Variants in POLA1 observed in about 807,000 individuals in gnomAD.
The protein encoded by POLA1 is DNA polymerase alpha 1, catalytic subunit, also known as DNA polymerase alpha catalytic subunit.
A neutral mutation model predicts 124.0 loss-of-function variants in POLA1; 15 were observed. That is an observed-to-expected ratio of 0.12 (90% CI 0.08 to 0.19). The LOEUF is 0.19. Ranked by LOEUF, POLA1 falls within the 10% of genes least tolerant of loss-of-function variation. The pLI, the probability that POLA1 is intolerant of heterozygous loss-of-function variation, is 1.00. For missense variants in POLA1, 886 were observed against 1,103.4 expected (o/e 0.80, Z 2.79); for synonymous variants, 408 against 389.4 (o/e 1.05, Z -0.56).
intron 36 of POLA1, among the ~76,000 whole-genome samples, chrX:24,986,172 C>CAA (rs397970641): frequency 9.3e-6 from 1 of 107,595 alleles, no homozygotes; most frequent in African/African-American, 3.4e-5. Context: ...AACTCCATCT[C>CAA]AAAAAAAAAG....
intron 23 of POLA1, chrX:24,744,317 A>G: frequency 4.4e-6 from 1 of 226,185 alleles, no homozygotes; most frequent in Non-Finnish European, 8.1e-6. Flanking sequence ...TGTAAGCCTC[A>G]GTTTCTTCTG....
At chrX:24,905,654 C>T (rs1387752937) in intron 35 of POLA1, among the ~76,000 whole-genome samples, 3 of 106,216 alleles carry the variant, frequency 2.8e-5, no homozygotes, top group African/African-American at 1.0e-4. Context: ...CCTCCGGTCC[C>T]CGGGCTTAAG....
intron 26 of POLA1, among the ~76,000 whole-genome samples, chrX:24,794,822 A>G (rs1039231098): frequency 1.8e-5 from 2 of 109,972 alleles, no homozygotes; most frequent in African/African-American, 6.6e-5. Context: ...TGGCTTCAAC[A>G]TCTGTTTTCT....
intron 14 of POLA1, 146 bp downstream of exon 14, chrX:24,727,217 G>A: frequency 2.1e-6 from 1 of 482,226 alleles, no homozygotes. Flanking sequence ...GTGAGTATAG[G>A]GAGTACATTT....
intron 34 of POLA1, among the ~76,000 whole-genome samples, chrX:24,856,529 C>T (rs750481585): frequency 8.9e-6 from 1 of 111,858 alleles, no homozygotes; most frequent in African/African-American, 3.3e-5. Flanking sequence ...GGGTTGCTGG[C>T]TCATATGCTA....
chrX:24,812,788 A>G lies in POLA1; in HGVS notation c.3221A>G (p.Tyr1074Cys), dbSNP rs772116674. Residue 1074 changes from tyrosine (Y) to cysteine (C), a missense_variant, in exon 29 of 37, where the codon TAT becomes TGT. Around this residue, in one of 7 missense-constraint regions of POLA1, gnomAD observed 313 missense variants for 359.7 expected, o/e 0.87. Transcript: ENST00000379068. ...LVVEPTSDGN[Y>C]VTKQELKGLD... Reference sequence around the variant, plus strand: ...GTTGAGCCAACGTCGGATGGGAATTATGTCACCAAACAGGAGCTCAAAGGA... The same window carrying G: ...GTTGAGCCAACGTCGGATGGGAATTGTGTCACCAAACAGGAGCTCAAAGGA... 1 of 1,206,106 alleles carries G rather than the reference A, an allele frequency of 8.3e-7. No homozygotes were observed.
At chrX:24,871,879 T>C (rs1413834550) in intron 34 of POLA1, among the ~76,000 whole-genome samples, 1 of 112,224 alleles carries the variant, frequency 8.9e-6, no homozygotes, top group Non-Finnish European at 1.9e-5. Flanking sequence ...CCATTCAATG[T>C]CCTTTAGCTA....
intron 36 of POLA1, among the ~76,000 whole-genome samples, chrX:24,961,088 A>G (rs1266810268): frequency 1.8e-5 from 2 of 111,699 alleles, no homozygotes; most frequent in African/African-American, 6.5e-5. Context: ...CTTGTTAGAC[A>G]TTTGCAGCTA....
intron 34 of POLA1, among the ~76,000 whole-genome samples, chrX:24,865,149 G>A (rs1415196202): frequency 8.9e-6 from 1 of 111,796 alleles, no homozygotes; most frequent in Non-Finnish European, 1.9e-5. Context: ...ATAAAAGAGT[G>A]GCAATTTGCT....
At chrX:24,785,748 A>T (rs943471659) in intron 26 of POLA1, among the ~76,000 whole-genome samples, 2 of 112,002 alleles carry the variant, frequency 1.8e-5, no homozygotes, top group Non-Finnish European at 3.8e-5. Context: ...TTGTGCAATG[A>T]TTACCACAAC....
intron 34 of POLA1, among the ~76,000 whole-genome samples, chrX:24,844,476 CA>C (rs752074051): frequency 0.015 from 1,264 of 83,393 alleles, 14 homozygotes; most frequent in African/African-American, 0.04. Context: ...CAACACATTT[CA>C]AAAAAAAAAA....
intron 36 of POLA1, among the ~76,000 whole-genome samples, chrX:24,948,316 C>G (rs2047993043): frequency 9.2e-6 from 1 of 108,343 alleles, no homozygotes; most frequent in African/African-American, 3.3e-5. Context: ...TAATAAAATA[C>G]AATTACTAAA....
intron 36 of POLA1, among the ~76,000 whole-genome samples, chrX:24,949,087 C>A (rs2048001567): frequency 9.0e-6 from 1 of 111,333 alleles, no homozygotes. Flanking sequence ...ATGAAATGAG[C>A]AGTAAATTGT....
At chrX:24,763,441 A>G (rs1188609315) in intron 26 of POLA1, among the ~76,000 whole-genome samples, 1 of 111,083 alleles carries the variant, frequency 9.0e-6, no homozygotes, top group Non-Finnish European at 1.9e-5. Context: ...GATCGTAGAC[A>G]TGTTAATTTT....
chrX:24,877,905 GT>G (rs1569347262), intron 34 of POLA1, among the ~76,000 whole-genome samples: 3 of 24,026 alleles, frequency 1.2e-4, no homozygotes, highest in South Asian at 2.6e-3. Context: ...GAGGGAGGGA[GT>G]TTTTTTTTGT....
chrX:24,990,479 T>C (rs771032265), intron 36 of POLA1, among the ~76,000 whole-genome samples: 1 of 112,480 alleles, frequency 8.9e-6, no homozygotes, highest in African/African-American at 3.2e-5. Flanking sequence ...TGAAATCCAC[T>C]GGTACAATTG....
At chrX:24,747,758 A>G (rs1932095804) in intron 24 of POLA1, among the ~76,000 whole-genome samples, 1 of 98,833 alleles carries the variant, frequency 1.0e-5, no homozygotes, top group Non-Finnish European at 2.0e-5. Flanking sequence ...TTTTTAAGAC[A>G]GAGTTTCGCT....
chrX:24,805,827 T>A (rs1333555105), intron 26 of POLA1, among the ~76,000 whole-genome samples: 3 of 110,541 alleles, frequency 2.7e-5, no homozygotes, highest in Non-Finnish European at 5.7e-5. Context: ...TTTCTAGCCG[T>A]TAGCACTTAC....
At chrX:24,971,570 C>T (rs891754408) in intron 36 of POLA1, among the ~76,000 whole-genome samples, 2 of 111,852 alleles carry the variant, frequency 1.8e-5, no homozygotes, top group African/African-American at 3.3e-5. Context: ...TCACACTGTC[C>T]CCTGGCACTT....
Sources: allele counts gnomAD v4.1 joint callset (sites outside exome capture counted in the v4.1 genomes callset), GRCh38; gene constraint gnomAD v4.1.1; regional missense constraint gnomAD v4.1.1; transcripts MANE v1.5; gene names NCBI Gene and HGNC (gene_info 2026-07-23, HGNC 2026-07-21).